MTCL1: variants seen among roughly 807,000 people sequenced by gnomAD.
MTCL1 encodes the protein microtubule cross-linking factor 1.
MTCL1 carries 79 observed loss-of-function variants against 141.4 expected under a neutral mutation model. The ratio of observed to expected loss-of-function variants is 0.56; its 90% CI spans 0.47 to 0.67. MTCL1 has a LOEUF of 0.67. Among genes scored for constraint, MTCL1 ranks in the 30% least tolerant of loss-of-function variants. MTCL1 has a pLI of 0.00. For synonymous variants in MTCL1, 914 were observed against 875.8 expected (o/e 1.04, Z -0.77); for missense variants, 2,177 against 2,113.9 (o/e 1.03, Z -0.59).
At chr18:8,737,669 C>G (rs773408237) in intron 4 of MTCL1, among the ~76,000 whole-genome samples, 1 of 152,346 alleles carries the variant, frequency 6.6e-6, no homozygotes, top group East Asian at 1.9e-4. Context: ...GCTTTATAAA[C>G]GATGCAGGCT....
chr18:8,821,241 C>T (rs1598806897), intron 13 of MTCL1, among the ~76,000 whole-genome samples: 2 of 152,292 alleles, frequency 1.3e-5, no homozygotes, highest in East Asian at 3.9e-4. Context: ...GTGGGCTTCT[C>T]CCTGGACTAC....
intron 8 of MTCL1, among the ~76,000 whole-genome samples, chr18:8,793,953 A>G (rs2075824635): frequency 6.6e-6 from 1 of 152,224 alleles, no homozygotes; most frequent in Non-Finnish European, 1.5e-5. Context: ...CATGTGATTT[A>G]AATGGGTCAC....
chr18:8,794,096 G>A (rs545761190), intron 8 of MTCL1, among the ~76,000 whole-genome samples: 1 of 152,270 alleles, frequency 6.6e-6, no homozygotes, highest in Non-Finnish European at 1.5e-5. Context: ...GTTTCATTTA[G>A]GGGTCAAGTT....
chr18:8,752,744 C>T (rs1447283005), intron 4 of MTCL1, among the ~76,000 whole-genome samples: 1 of 152,178 alleles, frequency 6.6e-6, no homozygotes, highest in East Asian at 1.9e-4. Flanking sequence ...TCAGATGCTA[C>T]CAGTTGCTCC....
chr18:8,715,888 T>C (rs1291791566), upstream of MTCL1, among the ~76,000 whole-genome samples: 1 of 152,152 alleles, frequency 6.6e-6, no homozygotes, highest in African/African-American at 2.4e-5. Flanking sequence ...CAGAAGGTTG[T>C]CAAGCACTGT....
rs757327147 is a variant in MTCL1, at chr18:8,793,075, A to G, written c.1965A>G (p.Arg655=). The G allele has an allele frequency of 4.3e-6, 7 of 1,614,066 alleles. No individual in the cohort carries two copies. In the African/African-American group the frequency reaches 5.3e-5, roughly 12 times the overall value. ...AGGGTCAGCTCGTGCAGGCGGCCAG[A>G]CTGCATCAAGAGGAGACAGAGACAT... The change falls in exon 8 of 17, where the codon AGA becomes AGG. Residue 655 remains arginine (R), a synonymous_variant. Transcript: ENST00000359865.
At position 8,720,242 on chromosome 18, in the gene MTCL1, T is replaced by C. The variant is rs2096160402; in HGVS notation, c.199-96T>C. ...AGGGTCTTTGCTATGTGGTGTAATA[T>C]ATTACTTAATGATTTTGCCTCTGAT... On this transcript the variant is annotated intron_variant, in intron 3 of 16. Transcript: ENST00000359865. The C allele has an allele frequency of 8.6e-6, 10 of 1,161,020 alleles. No homozygotes were observed. In the South Asian group the frequency reaches 1.3e-4, roughly 15 times the overall value. The allele number at this position is 1,161,020 out of a possible 1,614,324, so 71.9% of individuals were successfully genotyped here.
chr18:8,809,679 C>G (rs2076416690), intron 11 of MTCL1: 21 of 1,453,408 alleles, frequency 1.4e-5, no homozygotes. Context: ...TCATGAGACG[C>G]CGTGGAGCAA....
chr18:8,750,203 C>T (rs1459302433), intron 4 of MTCL1, among the ~76,000 whole-genome samples: 1 of 151,930 alleles, frequency 6.6e-6, no homozygotes, highest in Non-Finnish European at 1.5e-5. Context: ...CATGCCACCA[C>T]ACTGGCTAAT....
At chr18:8,793,207 G>A (rs1180536232) in intron 8 of MTCL1, 87 bp downstream of exon 7, 1 of 1,558,014 alleles carries the variant, frequency 6.4e-7, no homozygotes, top group African/African-American at 1.4e-5. Flanking sequence ...TTCAAAGAAG[G>A]CTGTCTGTTG....
intron 8 of MTCL1, among the ~76,000 whole-genome samples, chr18:8,795,216 C>T (rs562712700): frequency 6.6e-6 from 1 of 152,334 alleles, no homozygotes; most frequent in South Asian, 2.1e-4. Flanking sequence ...ACATTGGCCT[C>T]GGGCAGCTGT....
At chr18:8,739,036 C>T (rs77572685) in intron 4 of MTCL1, among the ~76,000 whole-genome samples, 10 of 152,122 alleles carry the variant, frequency 6.6e-5, no homozygotes, top group African/African-American at 1.9e-4. Context: ...GCCAGAAGTT[C>T]GAGACAAGCT....
intron 7 of MTCL1, chr18:8,786,357 G>A (rs1430380398): frequency 1.5e-6 from 1 of 670,026 alleles, no homozygotes; most frequent in African/African-American, 1.8e-5. Context: ...CCGCAGACCG[G>A]GAGCACCTGG....
chr18:8,831,639 A>G, exon 17 of MTCL1: 1 of 1,550,532 alleles, frequency 6.4e-7, no homozygotes, highest in Admixed American at 2.0e-5. Context: ...CTCCATCCCT[A>G]GAGCCCTGCT....
At chr18:8,798,014 G>T in intron 9 of MTCL1, 83 bp from the exon 9 acceptor site, 1 of 1,357,078 alleles carries the variant, frequency 7.4e-7, no homozygotes, top group South Asian at 1.4e-5. Flanking sequence ...TAAAGTAGAT[G>T]GTTATCCTCA....
intron 4 of MTCL1, among the ~76,000 whole-genome samples, chr18:8,733,392 C>T (rs1366349600): frequency 2.0e-5 from 3 of 151,942 alleles, no homozygotes; most frequent in East Asian, 1.9e-4. Flanking sequence ...GTATCTGTGT[C>T]GGCCTCATTT....
At chr18:8,786,032 C>A (rs200309875) in exon 7 of MTCL1, 2 of 1,606,326 alleles carry the variant, frequency 1.2e-6, no homozygotes, top group Admixed American at 3.4e-5. Flanking sequence ...GCTGCACCGC[C>A]GCGCAGACGG....
At chr18:8,735,169 A>G (rs1322132053) in intron 4 of MTCL1, among the ~76,000 whole-genome samples, 6 of 152,210 alleles carry the variant, frequency 3.9e-5, no homozygotes, top group Admixed American at 3.9e-4. Flanking sequence ...CAATAACTGT[A>G]TGGTTTCCTG....
intron 4 of MTCL1, among the ~76,000 whole-genome samples, chr18:8,762,997 AT>A (rs1312329958): frequency 6.6e-6 from 1 of 152,152 alleles, no homozygotes; most frequent in Non-Finnish European, 1.5e-5. Context: ...ATTCTTAATT[AT>A]TGTTTGGTAG....
Sources: allele counts gnomAD v4.1 joint callset (sites outside exome capture counted in the v4.1 genomes callset), GRCh38; gene constraint gnomAD v4.1.1; transcripts MANE v1.5; gene names NCBI Gene and HGNC (gene_info 2026-07-23, HGNC 2026-07-21).